Variants in ARFGEF1 observed in about 807,000 individuals in gnomAD.
ARFGEF1 encodes the protein brefeldin A-inhibited guanine nucleotide-exchange protein 1.
A neutral mutation model predicts 231.0 loss-of-function variants in ARFGEF1; 42 were observed. The ratio of observed to expected loss-of-function variants is 0.18; its 90% CI spans 0.14 to 0.24. ARFGEF1 has a LOEUF of 0.24. Among genes scored for constraint, ARFGEF1 ranks in the 10% least tolerant of loss-of-function variants. The pLI is 1.00. For missense variants in ARFGEF1, 1,345 were observed against 2,192.0 expected (o/e 0.61, Z 7.72); for synonymous variants, 710 against 732.3 (o/e 0.97, Z 0.49).
intron 1 of ARFGEF1, among the ~76,000 whole-genome samples, chr8:67,305,104 G>T (rs1391313747): frequency 6.6e-6 from 1 of 152,120 alleles, no homozygotes; most frequent in African/African-American, 2.4e-5. Flanking sequence ...CAGAGGAAAT[G>T]AAACATTTTA....
intron 3 of ARFGEF1, among the ~76,000 whole-genome samples, chr8:67,299,953 T>C (rs115594020): frequency 2.0e-5 from 3 of 151,670 alleles, no homozygotes; most frequent in Non-Finnish European, 4.4e-5. Flanking sequence ...TAGGTGACAG[T>C]GAGACCTTGT....
At chr8:67,268,901 C>A (rs959555955) in intron 10 of ARFGEF1, among the ~76,000 whole-genome samples, 1 of 152,040 alleles carries the variant, frequency 6.6e-6, no homozygotes, top group Non-Finnish European at 1.5e-5. Context: ...AAAAGTCAGA[C>A]TTGTGAATCA....
chr8:67,248,233 C>G (rs1563863153), intron 19 of ARFGEF1, among the ~76,000 whole-genome samples: 1 of 150,270 alleles, frequency 6.7e-6, no homozygotes, highest in Non-Finnish European at 1.5e-5. Flanking sequence ...TACCTGCCTT[C>G]AAGTTATACT....
chr8:67,221,219 A>G (rs1350792919), intron 29 of ARFGEF1, among the ~76,000 whole-genome samples: 2 of 152,224 alleles, frequency 1.3e-5, no homozygotes, highest in South Asian at 2.1e-4. Context: ...ATTATTTGCT[A>G]GTGTACTCCT....
chr8:67,278,715 G>A (rs756341480), intron 7 of ARFGEF1, among the ~76,000 whole-genome samples: 6 of 151,752 alleles, frequency 4.0e-5, no homozygotes, highest in Non-Finnish European at 5.9e-5. Flanking sequence ...GCACGGTGGC[G>A]GGTGCCTATA....
At chr8:67,234,315 T>C (rs1171478750) in intron 22 of ARFGEF1, among the ~76,000 whole-genome samples, 1 of 152,174 alleles carries the variant, frequency 6.6e-6, no homozygotes, top group Non-Finnish European at 1.5e-5. Flanking sequence ...GACTACTTCA[T>C]GGCTGAAATG....
intron 29 of ARFGEF1, among the ~76,000 whole-genome samples, chr8:67,222,269 A>ATT (rs1174208098): frequency 8.8e-5 from 9 of 101,974 alleles, no homozygotes; most frequent in African/African-American, 1.5e-4. Context: ...GTATGTATGT[A>ATT]TTTTTTTTTT....
chr8:67,313,945 T>C (rs976130119), intron 1 of ARFGEF1, among the ~76,000 whole-genome samples: 6 of 152,092 alleles, frequency 3.9e-5, no homozygotes, highest in Admixed American at 2.6e-4. Flanking sequence ...TTGCTGTGGC[T>C]GCTGTGGGGG....
intron 19 of ARFGEF1, 139 bp from the exon 20 acceptor site, chr8:67,240,429 G>C (rs1052407474): frequency 1.3e-6 from 1 of 779,898 alleles, no homozygotes; most frequent in Non-Finnish European, 1.9e-6. Context: ...TTAAACAAAG[G>C]GGGAAAACTA....
At chr8:67,265,370 G>A (rs115008798) in intron 14 of ARFGEF1, among the ~76,000 whole-genome samples, 6 of 152,028 alleles carry the variant, frequency 3.9e-5, no homozygotes, top group African/African-American at 9.7e-5. Context: ...TCATGGAGAC[G>A]GCAAACAATT....
chr8:67,235,100 G>GTA (rs144584152), intron 22 of ARFGEF1, among the ~76,000 whole-genome samples: 4 of 146,924 alleles, frequency 2.7e-5, no homozygotes, highest in African/African-American at 7.5e-5. Context: ...GTGTGTGTGT[G>GTA]TATATATATA....
intron 35 of ARFGEF1, 70 bp from the exon 36 acceptor site, chr8:67,203,321 C>A: frequency 6.5e-7 from 1 of 1,531,422 alleles, no homozygotes; most frequent in Non-Finnish European, 8.9e-7. Flanking sequence ...CAACTCAATG[C>A]TCCCCAAAGA....
intron 1 of ARFGEF1, among the ~76,000 whole-genome samples, chr8:67,302,905 T>TAAAAAAAAAAAAAAAA (rs1563902346): frequency 1.8e-4 from 18 of 100,252 alleles, no homozygotes; most frequent in African/African-American, 6.6e-4. Flanking sequence ...ACCCCATCTC[T>TAAAAAAAAAAAAAAAA]TAAAAAAAAA....
At chr8:67,187,386 A>G (rs1418731374) in intron 5 of ARFGEF1, among the ~76,000 whole-genome samples, 1 of 152,190 alleles carries the variant, frequency 6.6e-6, no homozygotes, top group African/African-American at 2.4e-5. Flanking sequence ...GTTGAATGGA[A>G]TATGGAGCCC....
chr8:67,206,410 T>TAAA (rs747164390), intron 34 of ARFGEF1, among the ~76,000 whole-genome samples: 4 of 102,034 alleles, frequency 3.9e-5, no homozygotes, highest in East Asian at 2.6e-4. Context: ...ATTTTATCTT[T>TAAA]AAAAAAAAAA....
intron 5 of ARFGEF1, chr8:67,190,519 G>A (rs1241623140): frequency 1.5e-6 from 1 of 673,362 alleles, no homozygotes; most frequent in Non-Finnish European, 2.7e-6. Context: ...ACCGAACTGT[G>A]TATGTACATA....
intron 7 of ARFGEF1, among the ~76,000 whole-genome samples, chr8:67,284,088 CA>C (rs368344105): frequency 2.2e-4 from 33 of 152,232 alleles, no homozygotes; most frequent in African/African-American, 7.7e-4. Context: ...GTAAGTACAA[CA>C]GGGGGCTGGC....
intron 5 of ARFGEF1, among the ~76,000 whole-genome samples, chr8:67,187,930 AGAT>A (rs1358076617): frequency 2.0e-5 from 3 of 152,258 alleles, no homozygotes; most frequent in Admixed American, 6.5e-5. Flanking sequence ...TAAAACTCAT[AGAT>A]GATAACAACA....
At chr8:67,238,988 TTTG>T (rs1302547103) in intron 20 of ARFGEF1, 95 bp from the exon 21 acceptor site, 14 of 983,084 alleles carry the variant, frequency 1.4e-5, no homozygotes, top group African/African-American at 5.2e-5. Flanking sequence ...TCAGTAAGAT[TTTG>T]TTTTTTTTTT....
Sources: allele counts gnomAD v4.1 joint callset (sites outside exome capture counted in the v4.1 genomes callset), GRCh38; gene constraint gnomAD v4.1.1; transcripts MANE v1.5; gene names NCBI Gene and HGNC (gene_info 2026-07-23, HGNC 2026-07-21).